PASK: variants seen among roughly 807,000 people sequenced by gnomAD.
PASK encodes PAS domain-containing serine/threonine-protein kinase.
A neutral mutation model predicts 121.0 loss-of-function variants in PASK; 110 were observed. The observed-to-expected ratio is 0.91, with a 90% confidence interval of 0.78 to 1.06. The LOEUF (loss-of-function observed/expected upper bound fraction) is 1.06, where lower values mean the gene tolerates loss of function less well. PASK is among the 50% of genes least tolerant of loss of function. The pLI is 0.00. For synonymous variants in PASK, 686 were observed against 717.8 expected (o/e 0.96, Z 0.71); for missense variants, 1,643 against 1,702.3 (o/e 0.97, Z 0.61).
rs778114235 is a variant in PASK, at chr2:241,137,232, G to A, written c.909C>T (p.Ala303=). 4 of 1,612,276 alleles carry A rather than the reference G, an allele frequency of 2.5e-6. No homozygotes were observed. In the African/African-American group the frequency reaches 5.3e-5, roughly 22 times the overall value. ...NLKIQRSVGR[A]RDGTTFPLSL... Reference sequence around the variant, plus strand: ...TCAGAGGGAAGGTGGTACCGTCCCTGGCTCTTCCAACAGACCTCTGAATCT... The same window carrying A: ...TCAGAGGGAAGGTGGTACCGTCCCTAGCTCTTCCAACAGACCTCTGAATCT... Residue 303 remains alanine, a synonymous_variant, in exon 7 of 18, where the codon GCC becomes GCT. Coordinates refer to ENST00000234040, the MANE Select transcript of PASK (RefSeq NM_015148.4).
chr2:241,109,319 C>T (rs13388718), intron 15 of PASK: 5,628 of 152,642 alleles, frequency 0.037, 358 homozygotes, highest in African/African-American at 0.13. Flanking sequence ...CTGCCAAGCA[C>T]GCACCAGAGC....
chr2:241,149,003 C>G (rs2067128255), intron 1 of PASK, among the ~76,000 whole-genome samples: 1 of 152,124 alleles, frequency 6.6e-6, no homozygotes, highest in Admixed American at 6.5e-5. Context: ...GCTGAGCCCG[C>G]AGGGACCCAC....
intron 12 of PASK, among the ~76,000 whole-genome samples, chr2:241,118,034 A>G (rs1263106894): frequency 6.6e-6 from 1 of 152,244 alleles, no homozygotes; most frequent in Non-Finnish European, 1.5e-5. Flanking sequence ...AAAACTTTCC[A>G]CGTTCACAGA....
In PASK at chr2:241,136,038, T is replaced by G; in HGVS notation, c.1139A>C (p.Asn380Thr). 2.5e-6 allele frequency: 4 copies of G among 1,613,734 alleles called. No homozygotes were observed. The highest frequency in any genetic ancestry group is 3.4e-6 in the Non-Finnish European group (4 of 1,179,646). ...GAAACCAGGAATCAGGAAAGTGATATTCTAGAAAACAAAGCAGGGACATTT... is the reference window on the plus strand; with the variant it reads ...GAAACCAGGAATCAGGAAAGTGATAGTCTAGAAAACAAAGCAGGGACATTT... ...GYGKTELLGK[N>T]ITFLIPGFYS... The change falls in exon 8 of 18, where the codon AAT (asparagine) becomes ACT (threonine). Residue 380 changes from asparagine to threonine, a missense_variant and splice_region_variant. Transcript: ENST00000234040.
chr2:241,139,588 A>C, intron 4 of PASK: 1 of 641,424 alleles, frequency 1.6e-6, no homozygotes, highest in East Asian at 3.3e-5. Flanking sequence ...CAGGACTGCA[A>C]AACATTAGTG....
intron 14 of PASK, chr2:241,113,251 A>C: frequency 6.6e-6 from 1 of 152,244 alleles, no homozygotes; most frequent in East Asian, 1.9e-4. Flanking sequence ...TTTTGAGACA[A>C]ATTTATATTT....
At chr2:241,114,496 G>A (rs2065242581) in intron 14 of PASK, 9 of 999,902 alleles carry the variant, frequency 9.0e-6, no homozygotes, top group Admixed American at 5.3e-5. Flanking sequence ...CTGTCCCTCT[G>A]CTAGGGTGCC....
chr2:241,127,028 G>A lies in PASK; in HGVS notation c.1887C>T (p.Ser629=). The A allele has an allele frequency of 1.2e-6, 2 of 1,614,164 alleles. No homozygotes were observed. The highest frequency in any genetic ancestry group is 1.7e-6 in the Non-Finnish European group (2 of 1,180,036). Residue 629 remains serine (S), a synonymous_variant, in exon 10 of 18, where the codon AGC becomes AGT. Transcript: ENST00000234040. ...ACGAGAGGCCTGCCATCCCAGAGGG[G>A]CTGGGGGCCAAGTCCTGGCTTCGCC... ...LWWRSQDLAP[S]PSGMAGLSFG...
chr2:241,135,811 C>T lies in PASK; in HGVS notation c.1306+60G>A, dbSNP rs375205588. On this transcript the variant is annotated intron_variant, in intron 8 of 17. Transcript: ENST00000234040. Reference sequence around the variant, plus strand: ...GCTCCTCCCAGCCCTGTCTCAGAGGCATGGGGCTGTCTGGGGCTCAGCAGC... The same window carrying T: ...GCTCCTCCCAGCCCTGTCTCAGAGGTATGGGGCTGTCTGGGGCTCAGCAGC... The T allele has an allele frequency of 2.0e-4, 303 of 1,487,652 alleles. No homozygotes were observed. In the African/African-American group the frequency reaches 3.3e-3, roughly 16 times the overall value. The allele number at this position is 1,487,652 out of a possible 1,614,324, so 92.2% of individuals were successfully genotyped here.
At chr2:241,109,484 G>A (rs1467714915) in intron 15 of PASK, 1 of 147,328 alleles carries the variant, frequency 6.8e-6, no homozygotes, top group Non-Finnish European at 1.5e-5. Context: ...AACCACAGCA[G>A]TGAGAAGAGT....
At chr2:241,119,468 C>CCT (rs748312045) in intron 12 of PASK, among the ~76,000 whole-genome samples, 1 of 134,256 alleles carries the variant, frequency 7.4e-6, no homozygotes, top group East Asian at 2.2e-4. Context: ...CAAGATGCTT[C>CCT]TTTTTTTTTT....
intron 17 of PASK, 58 bp downstream of exon 17, chr2:241,107,295 G>A: frequency 6.7e-7 from 1 of 1,501,342 alleles, no homozygotes; most frequent in South Asian, 1.1e-5. Flanking sequence ...AGGCAGCCTG[G>A]GGACCTCGTT....
At chr2:241,132,811 C>T in intron 9 of PASK, 63 bp downstream of exon 9, 1 of 1,317,060 alleles carries the variant, frequency 7.6e-7, no homozygotes, top group Non-Finnish European at 1.1e-6. Flanking sequence ...TGACTTGTTC[C>T]TCATTCACCT....
rs200392839 is a variant in PASK at position 241,135,906 on chromosome 2, G to C, written c.1271C>G (p.Pro424Arg). 2 of 1,613,998 alleles carry C rather than the reference G, an allele frequency of 1.2e-6. No homozygotes were observed. Among genetic ancestry groups the C allele is most frequent in the African/African-American group, 1.3e-5 (1 of 74,916 alleles). The change falls in exon 8 of 18, where the codon CCG becomes CGG. Residue 424 changes from proline to arginine, a missense_variant. Pro to Arg is a moderately radical substitution (Grantham distance 103). This residue lies in a region of PASK where 1,176 missense variants were observed against 1,162.2 expected (regional missense o/e 1.01). Coordinates refer to ENST00000234040, the MANE Select transcript of PASK (RefSeq NM_015148.4). ...CTCAGCTGGGTCCTGGCCCTGCCAC[G>C]GGTCCAAGGTTCTCTCCCCACACCC... ...ESGCGERTLD[P>R]WQGQDPAEGG...
intron 8 of PASK, 137 bp from the exon 9 acceptor site, chr2:241,133,167 C>A: frequency 1.2e-6 from 1 of 830,638 alleles, no homozygotes; most frequent in Non-Finnish European, 2.0e-6. Context: ...CCAGGCGTCC[C>A]AGGTCCAACC....
intron 16 of PASK, 42 bp from the exon 17 acceptor site, chr2:241,107,541 T>C (rs765199823): frequency 1.2e-6 from 2 of 1,600,916 alleles, no homozygotes; most frequent in Non-Finnish European, 1.7e-6. Flanking sequence ...CAGATTGGGA[T>C]GAAGTGGAGC....
At position 241,140,051 on chromosome 2, in the gene PASK, A is replaced by G. The variant is rs2066631522; in HGVS notation, c.434T>C (p.Leu145Pro). Reference sequence around the variant, plus strand: ...CCCGCAAGCTTTGTCGTTAGCAACCAGGATCTGAGGAATCACAAAGAGGAG... The same window carrying G: ...CCCGCAAGCTTTGTCGTTAGCAACCGGGATCTGAGGAATCACAAAGAGGAG... ...FTVDAKTTEI[L>P]VANDKACGLL... The change falls in exon 4 of 18, where the codon CTG (leucine) becomes CCG (proline). Residue 145 changes from leucine to proline, a missense_variant. By Grantham distance (98) the Leu-to-Pro change is moderately conservative. Coordinates refer to ENST00000234040, the MANE Select transcript of PASK (RefSeq NM_015148.4). The G allele has an allele frequency of 6.2e-7, 1 of 1,613,678 alleles. No homozygotes were observed. Among genetic ancestry groups the G allele is most frequent in the East Asian group, 2.2e-5 (1 of 44,880 alleles).
chr2:241,124,233 T>C (rs1467912968), intron 10 of PASK, 100 bp from the exon 11 acceptor site: 1 of 943,620 alleles, frequency 1.1e-6, no homozygotes, highest in Non-Finnish European at 1.7e-6. Context: ...AACAGTCCAA[T>C]CCCCAGCAGC....
At chr2:241,128,533 T>G (rs1312869793) in intron 9 of PASK, among the ~76,000 whole-genome samples, 1 of 152,088 alleles carries the variant, frequency 6.6e-6, no homozygotes, top group African/African-American at 2.4e-5. Context: ...ACCACCTCAC[T>G]CGGGGACAGA....
Sources: gnomAD v4.1 joint callset for allele counts (sites outside exome capture counted in the v4.1 genomes callset) on GRCh38, gnomAD v4.1.1 for gene constraint, gnomAD v4.1.1 regional missense constraint, MANE v1.5 for transcripts, NCBI Gene and HGNC (gene_info 2026-07-23, HGNC 2026-07-21) for gene names.